The following ELAPOR2 variants were observed in gnomAD, a reference collection of about 807,000 sequenced individuals.
ELAPOR2 encodes endosome-lysosome associated apoptosis and autophagy regulator family member 2, also known as endosome/lysosome-associated apoptosis and autophagy regulator family member 2.
A neutral mutation model predicts 120.7 loss-of-function variants in ELAPOR2; 89 were observed. That is an observed-to-expected ratio of 0.74 (90% confidence interval 0.62 to 0.88). The LOEUF (loss-of-function observed/expected upper bound fraction) is 0.88, where lower values mean the gene tolerates loss of function less well. Among genes scored for constraint, ELAPOR2 ranks in the 40% least tolerant of loss-of-function variants. The pLI is 0.00. For synonymous variants in ELAPOR2, 444 were observed against 444.9 expected (o/e 1.00, Z 0.03); for missense variants, 1,134 against 1,251.6 (o/e 0.91, Z 1.42).
chr7:86,895,383 ACATT>A, intron 19 of ELAPOR2, among the ~76,000 whole-genome samples: 1 of 152,236 alleles, frequency 6.6e-6, no homozygotes, highest in African/African-American at 2.4e-5. Flanking sequence ...CTCAGGAATG[ACATT>A]CATAGTTTTG....
chr7:86,915,165 A>G (rs966906425), intron 12 of ELAPOR2, among the ~76,000 whole-genome samples: 6 of 151,934 alleles, frequency 3.9e-5, no homozygotes, highest in African/African-American at 1.5e-4. Context: ...CATGTGTGTG[A>G]TCTGGCTTGG....
intron 4 of ELAPOR2, among the ~76,000 whole-genome samples, chr7:86,942,667 C>T (rs1790847740): frequency 6.6e-6 from 1 of 151,982 alleles, no homozygotes. Flanking sequence ...ATTTGCCATG[C>T]CAATTCAAAT....
chr7:86,890,653 A>G (rs759410065), intron 21 of ELAPOR2, among the ~76,000 whole-genome samples: 12 of 152,008 alleles, frequency 7.9e-5, no homozygotes, highest in Non-Finnish European at 1.5e-4. Flanking sequence ...CTGTCCATGA[A>G]ACTGTAGCAG....
At chr7:86,972,231 T>G (rs74866752) in intron 1 of ELAPOR2, among the ~76,000 whole-genome samples, 2,546 of 152,238 alleles carry the variant, frequency 0.017, 74 homozygotes, top group African/African-American at 0.058. Flanking sequence ...CAATCAGAGC[T>G]TGGTTGTATC....
chr7:86,933,635 G>A (rs773143332), intron 8 of ELAPOR2, among the ~76,000 whole-genome samples: 6 of 151,920 alleles, frequency 3.9e-5, no homozygotes, highest in East Asian at 1.9e-4. Flanking sequence ...GATGTTTACC[G>A]CCGATTTCTG....
intron 1 of ELAPOR2, among the ~76,000 whole-genome samples, chr7:87,048,750 C>T (rs1055268215): frequency 2.1e-4 from 32 of 152,206 alleles, no homozygotes; most frequent in African/African-American, 7.7e-4. Flanking sequence ...ACATATATAT[C>T]TACTATGTAC....
intron 6 of ELAPOR2, 30 bp from the exon 7 acceptor site, chr7:86,938,990 AG>A: frequency 6.2e-7 from 1 of 1,611,526 alleles, no homozygotes; most frequent in East Asian, 2.2e-5. Flanking sequence ...AGAGCATGGG[AG>A]GGGGACCCAA....
At chr7:87,035,006 A>G (rs563370612) in intron 1 of ELAPOR2, among the ~76,000 whole-genome samples, 20 of 152,008 alleles carry the variant, frequency 1.3e-4, no homozygotes, top group African/African-American at 4.8e-4. Flanking sequence ...TTGAAGCTTG[A>G]AGCAGGGAGG....
intron 21 of ELAPOR2, among the ~76,000 whole-genome samples, chr7:86,890,647 C>T (rs773262160): frequency 3.3e-5 from 5 of 151,984 alleles, no homozygotes; most frequent in Non-Finnish European, 7.4e-5. Flanking sequence ...TCTAAACTGT[C>T]CATGAAACTG....
chr7:86,919,917 T>C (rs546196404), intron 10 of ELAPOR2: 4 of 152,086 alleles, frequency 2.6e-5, no homozygotes, highest in Admixed American at 6.6e-5. Flanking sequence ...AGAACCATTA[T>C]GAGGTCCGTC....
chr7:87,044,255 A>T (rs1201940244), intron 1 of ELAPOR2, among the ~76,000 whole-genome samples: 2 of 83,260 alleles, frequency 2.4e-5, no homozygotes, highest in African/African-American at 1.0e-4. Context: ...GGAAAAAACT[A>T]CTTTAAAGTT....
intron 1 of ELAPOR2, among the ~76,000 whole-genome samples, chr7:87,031,135 T>C (rs905417919): frequency 6.6e-6 from 1 of 152,160 alleles, no homozygotes; most frequent in Non-Finnish European, 1.5e-5. Flanking sequence ...CAATTCAAGA[T>C]GGGATTTGGG....
chr7:87,012,271 A>G (rs1032574771), intron 1 of ELAPOR2, among the ~76,000 whole-genome samples: 16 of 152,090 alleles, frequency 1.1e-4, no homozygotes, highest in East Asian at 3.9e-4. Context: ...TTAGCTGGGC[A>G]TGGTGGCGCA....
chr7:86,988,284 T>C (rs1218231307), intron 1 of ELAPOR2, among the ~76,000 whole-genome samples: 3 of 152,184 alleles, frequency 2.0e-5, no homozygotes, highest in African/African-American at 7.2e-5. Context: ...CAGCTGTATA[T>C]GTATACTTAT....
At chr7:87,032,177 C>T (rs1017947871) in intron 1 of ELAPOR2, among the ~76,000 whole-genome samples, 5 of 152,100 alleles carry the variant, frequency 3.3e-5, no homozygotes, top group African/African-American at 4.8e-5. Flanking sequence ...TATCTGAGTG[C>T]ACTTCAATTA....
Position 86,979,344 on chromosome 7 carries a change from C to T in ELAPOR2, c.190-14320G>A, listed in dbSNP as rs1792383172. On this transcript the variant is annotated intron_variant, in intron 1 of 21. Transcript: ENST00000450689. The stretch of plus-strand genomic sequence containing the variant: ...CTATCTGCCAAACACTTCTGAATAA[C>T]TCCTAAGAGACATAGTTTAACTACA... 2.0e-5 allele frequency among the ~76,000 whole-genome samples: 3 copies of T among 152,286 alleles called. No individual in the cohort carries two copies. In the South Asian group the frequency reaches 6.2e-4, roughly 32 times the overall value.
In ELAPOR2 at chr7:86,885,462, T is replaced by A. The variant is rs567975200; in HGVS notation, c.3031-4932A>T. 2.6e-5 allele frequency among the ~76,000 whole-genome samples: 4 copies of A among 152,264 alleles called. No homozygotes were observed. In the East Asian group the frequency reaches 5.8e-4, roughly 22 times the overall value. ...AATAAAAGTGAATGCAAACATCTTG[T>A]CTACTGTCAAAGATTCTCTCTCTCT... On this transcript the variant is annotated intron_variant, in intron 21 of 21. Coordinates refer to ENST00000450689, the MANE Select transcript of ELAPOR2 (RefSeq NM_001142749.3).
chr7:86,933,882 G>A (rs1790447587), intron 8 of ELAPOR2, among the ~76,000 whole-genome samples: 1 of 151,924 alleles, frequency 6.6e-6, no homozygotes, highest in Non-Finnish European at 1.5e-5. Flanking sequence ...AGGGGACTAG[G>A]TTTGTTGGTA....
intron 1 of ELAPOR2, among the ~76,000 whole-genome samples, chr7:87,040,040 C>A (rs184982706): frequency 1.3e-5 from 2 of 152,364 alleles, no homozygotes; most frequent in East Asian, 3.9e-4. Context: ...GTCACTCCCA[C>A]TCGAATACTG....
Sources: gnomAD v4.1 joint callset for allele counts (sites outside exome capture counted in the v4.1 genomes callset) on GRCh38, gnomAD v4.1.1 for gene constraint, MANE v1.5 for transcripts, NCBI Gene and HGNC (gene_info 2026-07-23, HGNC 2026-07-21) for gene names.